Variants in BCAR1 observed in about 807,000 individuals in gnomAD.
The protein encoded by BCAR1 is breast cancer anti-estrogen resistance protein 1.
Under a neutral mutation model 67.6 loss-of-function variants are expected in BCAR1, and 30 were observed. The ratio of observed to expected loss-of-function variants is 0.44; its 90% CI spans 0.33 to 0.60. BCAR1 has a LOEUF of 0.60. Ranked by LOEUF, BCAR1 falls within the 20% of genes least tolerant of loss-of-function variation. The pLI is 0.02. For missense variants in BCAR1, 1,313 were observed against 1,222.3 expected (o/e 1.07, Z -1.11); for synonymous variants, 626 against 556.7 (o/e 1.12, Z -1.75).
chr16:75,236,363 G>A (rs2077134264), intron 4 of BCAR1: 1 of 339,048 alleles, frequency 2.9e-6, no homozygotes, highest in Non-Finnish European at 5.4e-6. Context: ...CTGTGATACT[G>A]CCACTGCCAC....
At chr16:75,238,424 C>A (rs1266579248) in intron 2 of BCAR1, 34 of 1,039,528 alleles carry the variant, frequency 3.3e-5, no homozygotes, top group Non-Finnish European at 3.8e-5. Context: ...TCCCCCAGGG[C>A]AGCAGCGCCA....
At chr16:75,231,277 G>A (rs1467497456) in intron 6 of BCAR1, among the ~76,000 whole-genome samples, 1 of 151,884 alleles carries the variant, frequency 6.6e-6, no homozygotes, top group Non-Finnish European at 1.5e-5. Context: ...TAAAGATGGG[G>A]TTTCACCATG....
intron 2 of BCAR1, chr16:75,237,976 C>A (rs542637131): frequency 8.1e-7 from 1 of 1,228,602 alleles, no homozygotes; most frequent in Non-Finnish European, 1.1e-6. Context: ...CTCCCTGCCG[C>A]GCCTGCCCCG....
chr16:75,264,261 C>T (rs1445823509), intron 1 of BCAR1: 3 of 1,367,110 alleles, frequency 2.2e-6, no homozygotes, highest in Non-Finnish European at 2.8e-6. Context: ...GACAACCAAA[C>T]CAAATCAAAC....
rs970304475 is a variant in BCAR1, at chr16:75,265,910, C to A, written c.66+2005G>T. The A allele has an allele frequency of 3.6e-6, 4 of 1,116,134 alleles. No homozygotes were observed. In the African/African-American group the frequency reaches 6.6e-5, roughly 18 times the overall value. The allele number at this position is 1,116,134 out of a possible 1,614,324, so 69.1% of individuals were successfully genotyped here. On this transcript the variant is annotated intron_variant, in intron 1 of 6. Coordinates refer to the BCAR1 transcript ENST00000393422. ...GGGGCTCGGGTCCGCCCGCGCCGCTCAGAGGCCCCGCGAGGGGTCCCGGCG... is the reference window on the plus strand; with the variant it reads ...GGGGCTCGGGTCCGCCCGCGCCGCTAAGAGGCCCCGCGAGGGGTCCCGGCG...
At position 75,239,026 on chromosome 16, in the gene BCAR1, G is replaced by A. The variant is rs376203020; in HGVS notation, c.634-1682C>T. ...AGGCCCAGGGGTGCAGCTGGACCCA[G>A]GCCTGCCTCCCCAGGCAAATGGCCG... On this transcript the variant is annotated intron_variant, in intron 2 of 6. Transcript: ENST00000162330. The A allele has an allele frequency of 2.5e-5, 25 of 985,420 alleles. 2 individuals carry two copies. In the Admixed American group the frequency reaches 5.5e-4, roughly 22 times the overall value. 61.0% of individuals were successfully genotyped at this position (985,420 alleles called of 1,614,324 possible).
At chr16:75,245,400 C>T (rs2077483298) in intron 1 of BCAR1, among the ~76,000 whole-genome samples, 1 of 152,120 alleles carries the variant, frequency 6.6e-6, no homozygotes, top group Admixed American at 6.5e-5. Context: ...GCGAAGGCCC[C>T]TCACCTCCTA....
At chr16:75,250,784 G>A (rs571262976) in intron 1 of BCAR1, 12 of 985,508 alleles carry the variant, frequency 1.2e-5, no homozygotes, top group African/African-American at 3.5e-5. Flanking sequence ...TGCAGAACCC[G>A]GCCCTGGCCC....
intron 2 of BCAR1, among the ~76,000 whole-genome samples, chr16:75,241,060 G>A (rs550007288): frequency 2.0e-5 from 3 of 152,400 alleles, no homozygotes; most frequent in Admixed American, 1.3e-4. Flanking sequence ...AGTGTGGACT[G>A]TGTGTGCGTG....
intron 1 of BCAR1, chr16:75,266,307 C>T (rs76289586): frequency 0.1 from 15,986 of 158,560 alleles, 1,682 homozygotes; most frequent in African/African-American, 0.27. Context: ...TAGCAGGCCT[C>T]CCGGAGCCCC....
Position 75,251,507 on chromosome 16 carries a change from G to C in BCAR1, c.-25C>G. 7.5e-7 allele frequency: 1 copy of C among 1,332,402 alleles called. No individual in the cohort carries two copies. Among genetic ancestry groups the C allele is most frequent in the Non-Finnish European group, 9.6e-7 (1 of 1,038,780 alleles). The allele number at this position is 1,332,402 out of a possible 1,614,324, so 82.5% of individuals were successfully genotyped here. A position where few individuals can be genotyped will look rare whatever the true frequency, so the allele number is the denominator to read the frequency against. ...TGGTGTCCGGCGGGCCTGGGGCCCC[G>C]GCTCTCGCGGGGGCGCACACCGAGC... On this transcript the variant is annotated 5_prime_UTR_variant, in exon 1 of 7. Coordinates refer to ENST00000162330, the MANE Select transcript of BCAR1 (RefSeq NM_014567.5).
intron 1 of BCAR1, chr16:75,265,952 G>A (rs974638634): frequency 1.9e-6 from 2 of 1,080,636 alleles, no homozygotes; most frequent in South Asian, 4.5e-5. Context: ...GGCTCCTCCG[G>A]CTCCTGAGCG....
intron 1 of BCAR1, chr16:75,248,443 G>T: frequency 1.1e-6 from 1 of 929,224 alleles, no homozygotes; most frequent in Non-Finnish European, 1.4e-6. Context: ...ATAAGCATGC[G>T]CCCAACTGGC....
Position 75,242,685 on chromosome 16 carries a change from G to T in BCAR1, c.418C>A (p.Pro140Thr), listed in dbSNP as rs759506533. The T allele has an allele frequency of 5.2e-5, 80 of 1,537,958 alleles. 1 individual carries two copies. Among genetic ancestry groups the T allele is most frequent in the Middle Eastern group, 3.8e-4 (2 of 5,230 alleles). The change falls in exon 2 of 7, where the codon CCC becomes ACC. Residue 140 changes from proline (P) to threonine (T), a missense_variant. Physicochemically the swap from Pro to Thr is conservative, Grantham distance 38 (BLOSUM62 -1). This residue lies in a region of BCAR1 where 1,272 missense variants were observed against 1,137.5 expected (regional missense o/e 1.12). Coordinates refer to ENST00000162330, the MANE Select transcript of BCAR1 (RefSeq NM_014567.5). Reference sequence around the variant, plus strand: ...AAGGTGGATGTCTGCTTGGCTGGGGGAGACTGGAACTGAGGGCTGGGACCC... The same window carrying T: ...AAGGTGGATGTCTGCTTGGCTGGGGTAGACTGGAACTGAGGGCTGGGACCC... Reference protein sequence around the residue: ...VPGPSPQFQSPPAKQTSTFSK... With the variant: ...VPGPSPQFQSTPAKQTSTFSK...
At chr16:75,251,232 G>A (rs941303596) in intron 1 of BCAR1, among the ~76,000 whole-genome samples, 2 of 151,880 alleles carry the variant, frequency 1.3e-5, no homozygotes, top group Non-Finnish European at 2.9e-5. Flanking sequence ...CCCTCCTACC[G>A]GCTGGCGGCC....
At chr16:75,241,860 G>A (rs1325902000) in intron 2 of BCAR1, among the ~76,000 whole-genome samples, 9 of 152,152 alleles carry the variant, frequency 5.9e-5, no homozygotes, top group Admixed American at 5.9e-4. Context: ...GGGTCTGGAG[G>A]CCAGAGGTCT....
rs750683888 is a variant in BCAR1, at chr16:75,242,534, T to C, written c.569A>G (p.Asp190Gly). 3 of 1,491,072 alleles carry C rather than the reference T, an allele frequency of 2.0e-6. No homozygotes were observed. The highest frequency in any genetic ancestry group is 2.7e-6 in the Non-Finnish European group (3 of 1,121,132). 92.4% of individuals were successfully genotyped at this position (1,491,072 alleles called of 1,614,324 possible). A position where few individuals can be genotyped will look rare whatever the true frequency, so the allele number is the denominator to read the frequency against. The change falls in exon 2 of 7, where the codon GAC becomes GGC. Residue 190 changes from aspartate to glycine, a missense_variant. Asp to Gly is a moderately conservative substitution (Grantham distance 94). Around this residue, in one of 2 missense-constraint regions of BCAR1, gnomAD observed 1,272 missense variants for 1,137.5 expected, o/e 1.12. Coordinates refer to ENST00000162330, the MANE Select transcript of BCAR1 (RefSeq NM_014567.5). ...QVPPSAGMGHDIYQVPPSMDT... is the reference protein window; with the variant it reads ...QVPPSAGMGHGIYQVPPSMDT... ...CATGGACGGGGGGACCTGGTAGATG[T>C]CATGCCCCATCCCGGCAGAAGGTGG...
rs1292323156 is a variant in BCAR1, at chr16:75,238,049, A to G, written c.634-705T>C. On this transcript the variant is annotated intron_variant, in intron 2 of 6. Coordinates refer to ENST00000162330, the MANE Select transcript of BCAR1 (RefSeq NM_014567.5). ...TGAAAGGATGAGGCCTAGTGGGGGA[A>G]GTGGGTCCAGGGCCAGCCCTCCCCT... 8 of 1,288,902 alleles carry G rather than the reference A, an allele frequency of 6.2e-6. No homozygotes were observed. In the East Asian group the frequency reaches 2.2e-4, roughly 36 times the overall value. The allele number at this position is 1,288,902 out of a possible 1,614,324, so 79.8% of individuals were successfully genotyped here.
At chr16:75,234,010 G>T in intron 5 of BCAR1, 75 bp from the exon 6 acceptor site, 2 of 1,444,026 alleles carry the variant, frequency 1.4e-6, no homozygotes, top group Non-Finnish European at 9.5e-7. Context: ...TGTGGCGGGC[G>T]CAGTGAGCTG....
Sources: allele counts gnomAD v4.1 joint callset (sites outside exome capture counted in the v4.1 genomes callset), GRCh38; gene constraint gnomAD v4.1.1; regional missense constraint gnomAD v4.1.1; transcripts MANE v1.5; gene names NCBI Gene and HGNC (gene_info 2026-07-23, HGNC 2026-07-21).